ZFPM2: variants seen among roughly 807,000 people sequenced by gnomAD.
The protein encoded by ZFPM2 is zinc finger protein ZFPM2.
Under a neutral mutation model 98.6 loss-of-function variants are expected in ZFPM2, and 20 were observed. That is an observed-to-expected ratio of 0.20 (90% CI 0.14 to 0.29). The LOEUF is 0.29. Ranked by LOEUF, ZFPM2 falls within the 10% of genes least tolerant of loss-of-function variation. ZFPM2 has a pLI of 1.00. For synonymous variants in ZFPM2, 518 were observed against 502.7 expected, an observed-to-expected ratio of 1.03 and a Z score of -0.41; for missense variants, 1,310 against 1,388.6, an observed-to-expected ratio of 0.94 and a Z score of 0.90.
intron 4 of ZFPM2, among the ~76,000 whole-genome samples, chr8:105,580,799 TTCTC>T (rs770366065): frequency 0.095 from 13,521 of 142,792 alleles, 700 homozygotes; most frequent in Non-Finnish European, 0.11. Context: ...ATAATCATCA[TTCTC>T]TCTCTCTCTC....
At chr8:105,650,095 A>G (rs1321982876) in intron 5 of ZFPM2, among the ~76,000 whole-genome samples, 1 of 152,092 alleles carries the variant, frequency 6.6e-6, no homozygotes, top group Admixed American at 6.6e-5. Context: ...TCCGAAGACT[A>G]AAGTCTTGGG....
chr8:105,539,867 G>T (rs544432305), intron 3 of ZFPM2, among the ~76,000 whole-genome samples: 2 of 152,156 alleles, frequency 1.3e-5, no homozygotes, highest in East Asian at 1.9e-4. Context: ...TCAATTGTTT[G>T]TTTTATTATT....
At chr8:105,786,416 T>G (rs1813418686) in intron 5 of ZFPM2, among the ~76,000 whole-genome samples, 2 of 152,222 alleles carry the variant, frequency 1.3e-5, no homozygotes, top group Non-Finnish European at 2.9e-5. Flanking sequence ...GCGCCCAGCC[T>G]AGCATGCAGC....
At chr8:105,730,935 G>C (rs1160987644) in intron 5 of ZFPM2, among the ~76,000 whole-genome samples, 1 of 151,534 alleles carries the variant, frequency 6.6e-6, no homozygotes, top group Non-Finnish European at 1.5e-5. Context: ...CATTATGTCT[G>C]GAGGGTTAAG....
At chr8:105,565,139 A>T (rs1366034754) in intron 4 of ZFPM2, among the ~76,000 whole-genome samples, 1 of 152,242 alleles carries the variant, frequency 6.6e-6, no homozygotes. Flanking sequence ...CAGATGTCAA[A>T]TCCTTTTTAT....
intron 1 of ZFPM2, among the ~76,000 whole-genome samples, chr8:105,336,460 G>A (rs1211173375): frequency 6.6e-6 from 1 of 151,606 alleles, no homozygotes; most frequent in African/African-American, 2.4e-5. Context: ...TGGTTTGCAT[G>A]TTTTAATTGA....
At chr8:105,491,212 G>A (rs1458036638) in intron 3 of ZFPM2, among the ~76,000 whole-genome samples, 1 of 152,064 alleles carries the variant, frequency 6.6e-6, no homozygotes, top group Non-Finnish European at 1.5e-5. Context: ...TGCTCATGAA[G>A]TATCCTGCCC....
At chr8:105,514,054 G>A (rs780345184) in intron 3 of ZFPM2, among the ~76,000 whole-genome samples, 5 of 151,062 alleles carry the variant, frequency 3.3e-5, no homozygotes, top group Non-Finnish European at 4.4e-5. Context: ...CCAGGATGGA[G>A]TGCAGTGGCA....
chr8:105,401,779 A>T (rs1319276001), intron 1 of ZFPM2, among the ~76,000 whole-genome samples: 1 of 152,164 alleles, frequency 6.6e-6, no homozygotes, highest in Non-Finnish European at 1.5e-5. Context: ...TCTTTAAGAA[A>T]AATTTGATTT....
intron 5 of ZFPM2, among the ~76,000 whole-genome samples, chr8:105,713,601 G>T (rs1811452907): frequency 6.6e-6 from 1 of 151,970 alleles, no homozygotes; most frequent in Admixed American, 6.6e-5. Context: ...CTAGGCTGAT[G>T]TCTTACATTT....
Position 105,382,264 on chromosome 8 carries a change from G to A in ZFPM2, c.41-36880G>A, listed in dbSNP as rs185999796. ...TTCTGTGTATGCAATGCACTCTAGAGAGTACTTAAGCTTTTTTTTTAAAAA... is the reference window on the plus strand; with the variant it reads ...TTCTGTGTATGCAATGCACTCTAGAAAGTACTTAAGCTTTTTTTTTAAAAA... On this transcript the variant is annotated intron_variant, in intron 1 of 7. Transcript: ENST00000407775. Among the ~76,000 whole-genome samples, 512 of 151,810 alleles carry A rather than the reference G, an allele frequency of 3.4e-3. 2 individuals carry two copies. The highest frequency in any genetic ancestry group is 0.012 in the African/African-American group (494 of 41,500).
intron 5 of ZFPM2, among the ~76,000 whole-genome samples, chr8:105,683,675 G>A (rs1464127414): frequency 6.6e-6 from 1 of 151,926 alleles, no homozygotes; most frequent in Non-Finnish European, 1.5e-5. Flanking sequence ...CCTTTCTTCT[G>A]ATTTATTCTT....
intron 2 of ZFPM2, among the ~76,000 whole-genome samples, chr8:105,433,862 G>T (rs1281876723): frequency 1.3e-5 from 2 of 152,158 alleles, no homozygotes; most frequent in South Asian, 4.2e-4. Flanking sequence ...ACTGTTTCAG[G>T]ATTGTTTCCT....
rs551221136 is a variant in ZFPM2 at position 105,554,106 on chromosome 8, G to A, written c.302-7257G>A. ...ACTGTATGACTCAAACATTGAGAAG[G>A]AAAATTAGAAAAAGTATCTCTATAA... On this transcript the variant is annotated intron_variant, in intron 3 of 7. Coordinates refer to ENST00000407775, the MANE Select transcript of ZFPM2 (RefSeq NM_012082.4). Among the ~76,000 whole-genome samples the A allele has an allele frequency of 2.7e-3, 414 of 152,248 alleles. 8 individuals carry two copies. The highest frequency in any genetic ancestry group is 1.1e-3 in the Non-Finnish European group (74 of 68,020).
chr8:105,596,739 C>CTTTTTTTTTTT (rs910632602), intron 4 of ZFPM2, among the ~76,000 whole-genome samples: 7 of 58,952 alleles, frequency 1.2e-4, no homozygotes, highest in Non-Finnish European at 1.7e-4. Flanking sequence ...CCTTTGTCTG[C>CTTTTTTTTTTT]TTTTTTTTTT....
intron 3 of ZFPM2, among the ~76,000 whole-genome samples, chr8:105,554,774 A>G (rs1473827853): frequency 3.3e-5 from 5 of 152,160 alleles, no homozygotes; most frequent in African/African-American, 9.7e-5. Flanking sequence ...ATATGTTTAT[A>G]TCATCAACTT....
intron 4 of ZFPM2, among the ~76,000 whole-genome samples, chr8:105,589,299 C>A (rs1172168160): frequency 6.6e-6 from 1 of 152,298 alleles, no homozygotes; most frequent in South Asian, 2.1e-4. Flanking sequence ...TATCATAGAT[C>A]ATCCAGACTT....
chr8:105,409,238 A>G (rs762272334), intron 1 of ZFPM2, among the ~76,000 whole-genome samples: 3 of 151,910 alleles, frequency 2.0e-5, no homozygotes, highest in East Asian at 1.9e-4. Context: ...ATAATTTTAA[A>G]AAATTGACAT....
At chr8:105,328,188 T>C (rs1812149692) in intron 1 of ZFPM2, among the ~76,000 whole-genome samples, 2 of 151,856 alleles carry the variant, frequency 1.3e-5, no homozygotes, top group South Asian at 4.1e-4. Context: ...AGAAATTTTA[T>C]GCTGTTTTTA....
Sources: allele counts gnomAD v4.1 joint callset (sites outside exome capture counted in the v4.1 genomes callset), GRCh38; gene constraint gnomAD v4.1.1; transcripts MANE v1.5; gene names NCBI Gene and HGNC (gene_info 2026-07-23, HGNC 2026-07-21).